CACNA1B: variants seen among roughly 807,000 people sequenced by gnomAD.
CACNA1B encodes calcium voltage-gated channel subunit alpha1 B.
CACNA1B carries 70 observed loss-of-function variants against 247.2 expected under a neutral mutation model. The observed-to-expected ratio is 0.28, with a 90% CI of 0.23 to 0.35. CACNA1B has a LOEUF of 0.35. CACNA1B is among the 10% of genes least tolerant of loss of function. The probability of loss-of-function intolerance (pLI) is 1.00; values close to 1 mark genes in which losing one functional copy is unlikely to be tolerated. For synonymous variants in CACNA1B, 1,231 were observed against 1,294.4 expected (o/e 0.95, Z 1.05); for missense variants, 2,367 against 3,197.4 (o/e 0.74, Z 6.26).
At chr9:137,959,080 T>G (rs1486477569) in intron 10 of CACNA1B, among the ~76,000 whole-genome samples, 1 of 151,646 alleles carries the variant, frequency 6.6e-6, no homozygotes, top group Non-Finnish European at 1.5e-5. Flanking sequence ...ATTTAATTAA[T>G]TTTTTTTTGA....
chr9:137,908,804 TG>T (rs1957326746), intron 3 of CACNA1B, among the ~76,000 whole-genome samples: 1 of 148,676 alleles, frequency 6.7e-6, no homozygotes, highest in Admixed American at 6.7e-5. Context: ...CTAATTTTTT[TG>T]TATTTTTAGT....
intron 6 of CACNA1B, among the ~76,000 whole-genome samples, chr9:137,925,747 AT>A (rs537179531): frequency 0.041 from 5,815 of 140,666 alleles, 322 homozygotes; most frequent in African/African-American, 0.14. Context: ...CATCGTAACC[AT>A]TTTTTTTTTT....
At chr9:138,082,961 G>A (rs1232258471) in intron 36 of CACNA1B, among the ~76,000 whole-genome samples, 1 of 150,174 alleles carries the variant, frequency 6.7e-6, no homozygotes, top group Non-Finnish European at 1.5e-5. Context: ...GATCAGCTGG[G>A]ACCTAGGAGA....
chr9:138,024,658 C>T (rs980706286), intron 19 of CACNA1B, among the ~76,000 whole-genome samples: 8 of 152,224 alleles, frequency 5.3e-5, no homozygotes, highest in African/African-American at 1.9e-4. Context: ...GGAGACAGGA[C>T]CGCACTGTCG....
intron 21 of CACNA1B, among the ~76,000 whole-genome samples, chr9:138,046,389 A>G (rs1959186105): frequency 1.3e-5 from 2 of 152,204 alleles, no homozygotes; most frequent in South Asian, 4.1e-4. Context: ...CACACCCCGC[A>G]CAGGCCCCAG....
chr9:138,080,500 T>C (rs1460538776), intron 36 of CACNA1B, among the ~76,000 whole-genome samples: 1 of 152,136 alleles, frequency 6.6e-6, no homozygotes, highest in Non-Finnish European at 1.5e-5. Flanking sequence ...TAAGCATGTT[T>C]AGTGTGATTT....
Position 138,112,406 on chromosome 9 carries a change from AAGC to A in CACNA1B, c.5442_5444del (p.Gln1814del). 7 of 1,612,254 alleles carry A rather than the reference AAGC, an allele frequency of 4.3e-6. No individual in the cohort carries two copies. The highest frequency in any genetic ancestry group is 5.9e-6 in the Non-Finnish European group (7 of 1,178,322). ...CCATCATCCTGGTGCAGCTGGGACAAAGCAGCATCAGTGTGACGCGGAGTTGAG... is the reference window on the plus strand; with the variant it reads ...CCATCATCCTGGTGCAGCTGGGACAAAGCATCAGTGTGACGCGGAGTTGAG... On this transcript the variant is annotated inframe_deletion, in exon 40 of 47. Coordinates refer to ENST00000371372, the MANE Select transcript of CACNA1B (RefSeq NM_000718.4).
intron 34 of CACNA1B, among the ~76,000 whole-genome samples, chr9:138,074,403 G>GACAAT (rs1438826311): frequency 1.3e-5 from 2 of 152,140 alleles, no homozygotes; most frequent in East Asian, 3.9e-4. Flanking sequence ...ACCACGCCCG[G>GACAAT]CTAATTTTTG....
At chr9:138,118,518 A>ACAG in intron 43 of CACNA1B, 134 bp from the exon 44 acceptor site, 1 of 582,626 alleles carries the variant, frequency 1.7e-6, no homozygotes, top group Middle Eastern at 2.9e-4. Flanking sequence ...GGACGTGTGA[A>ACAG]CAGCAGTGGG....
intron 3 of CACNA1B, among the ~76,000 whole-genome samples, chr9:137,907,865 T>C (rs1282524598): frequency 6.6e-6 from 1 of 152,228 alleles, no homozygotes; most frequent in East Asian, 1.9e-4. Context: ...CTGGAATTTA[T>C]GTGTGAGTGA....
intron 6 of CACNA1B, among the ~76,000 whole-genome samples, chr9:137,946,599 T>C (rs535982307): frequency 1.4e-5 from 2 of 146,020 alleles, no homozygotes; most frequent in African/African-American, 5.1e-5. Context: ...GCTGAAAAAC[T>C]GAGAAAAAAA....
At chr9:138,061,133 C>T (rs1397123084) in intron 31 of CACNA1B, among the ~76,000 whole-genome samples, 1 of 152,244 alleles carries the variant, frequency 6.6e-6, no homozygotes, top group East Asian at 1.9e-4. Context: ...AGTGAAGCCC[C>T]TGATTCCCAG....
Position 137,952,447 on chromosome 9 carries a change from T to C in CACNA1B, c.1070+70T>C. ...CAGCTGAGGGGTCAACAGGGGCACG[T>C]GTGACACTTGGGGTGGGGGCCTGGC... On this transcript the variant is annotated intron_variant, in intron 7 of 46. Coordinates refer to ENST00000371372, the MANE Select transcript of CACNA1B (RefSeq NM_000718.4). This position sits in a 1 kb window ranked among gnomAD's most constrained non-coding sequence, Gnocchi z 4.8. 1 of 1,297,578 alleles carries C rather than the reference T, an allele frequency of 7.7e-7. No homozygotes were observed. Among genetic ancestry groups the C allele is most frequent in the Admixed American group, 1.7e-5 (1 of 58,576 alleles). The allele number at this position is 1,297,578 out of a possible 1,614,324, so 80.4% of individuals were successfully genotyped here.
At chr9:138,041,973 G>T (rs1434313019) in intron 20 of CACNA1B, among the ~76,000 whole-genome samples, 2 of 152,032 alleles carry the variant, frequency 1.3e-5, no homozygotes, top group East Asian at 3.9e-4. Context: ...TCTTGCCCAG[G>T]ATGGTCTCGT....
intron 9 of CACNA1B, 114 bp downstream of exon 9, chr9:137,956,941 C>CCT: frequency 1.2e-6 from 1 of 803,082 alleles, no homozygotes; most frequent in Non-Finnish European, 2.1e-6. Context: ...GTGCCAGGCA[C>CCT]CTGCACAGCC....
Position 138,116,976 on chromosome 9 carries a change from C to T in CACNA1B, c.5778-970C>T, listed in dbSNP as rs138525538. The stretch of plus-strand genomic sequence containing the variant: ...CCAGTGTGTCCTTCTGCCATCTCTG[C>T]GTCCACTGCTGTGGTCAGGGTGTGG... On this transcript the variant is annotated intron_variant, in intron 42 of 46. Coordinates refer to ENST00000371372, the MANE Select transcript of CACNA1B (RefSeq NM_000718.4). Among the ~76,000 whole-genome samples, 585 of 152,332 alleles carry T rather than the reference C, an allele frequency of 3.8e-3. 1 individual carries two copies. Among genetic ancestry groups the T allele is most frequent in the Non-Finnish European group, 6.9e-3 (469 of 68,030 alleles).
chr9:137,956,684 A>AG, intron 8 of CACNA1B, 87 bp from the exon 9 acceptor site: 1 of 997,472 alleles, frequency 1.0e-6, no homozygotes, highest in Non-Finnish European at 1.5e-6. Flanking sequence ...CTGAGAAGGC[A>AG]GGGCCTTCCA....
chr9:138,117,899 C>G (rs1231860589), intron 42 of CACNA1B, 47 bp from the exon 43 acceptor site: 2 of 1,484,788 alleles, frequency 1.3e-6, no homozygotes, highest in Non-Finnish European at 1.8e-6. Flanking sequence ...GGTAAGGCAC[C>G]TGCAGTCTCT....
intron 39 of CACNA1B, among the ~76,000 whole-genome samples, chr9:138,108,842 G>T (rs998842191): frequency 6.6e-6 from 1 of 152,116 alleles, no homozygotes; most frequent in Admixed American, 6.6e-5. Flanking sequence ...GTAGAGACAG[G>T]GTTTCACCGT....
Sources: allele counts gnomAD v4.1 joint callset (sites outside exome capture counted in the v4.1 genomes callset), GRCh38; gene constraint gnomAD v4.1.1; non-coding constraint Gnocchi (gnomAD v3.1); transcripts MANE v1.5; gene names NCBI Gene and HGNC (gene_info 2026-07-23, HGNC 2026-07-21).